The following CFAP77 variants were observed in gnomAD, a reference collection of about 807,000 sequenced individuals.
The protein encoded by CFAP77 is cilia and flagella associated protein 77, also known as cilia- and flagella-associated protein 77.
In CFAP77, 25 loss-of-function variants were observed where a neutral mutation model predicts 31.1. The observed-to-expected ratio is 0.80, with a 90% CI of 0.59 to 1.12. The LOEUF is 1.12. Ranked by LOEUF, CFAP77 falls within the 50% of genes most tolerant of loss-of-function variation. The pLI, the probability that CFAP77 is intolerant of heterozygous loss-of-function variation, is 0.00. For synonymous variants in CFAP77, 151 were observed against 159.9 expected (o/e 0.94, Z 0.42); for missense variants, 377 against 397.3 (o/e 0.95, Z 0.44).
At chr9:132,533,624 G>C (rs1391581432) in intron 3 of CFAP77, among the ~76,000 whole-genome samples, 1 of 152,230 alleles carries the variant, frequency 6.6e-6, no homozygotes, top group Non-Finnish European at 1.5e-5. Context: ...GCTCACGCTT[G>C]TAATCCCAGC....
At chr9:132,543,311 G>A (rs1589917439) in intron 5 of CFAP77, among the ~76,000 whole-genome samples, 2 of 152,250 alleles carry the variant, frequency 1.3e-5, no homozygotes, top group South Asian at 2.1e-4. Context: ...TGGATGCTGC[G>A]GAGTGGCAGA....
At chr9:132,414,018 G>A (rs1406486545) in intron 1 of CFAP77, among the ~76,000 whole-genome samples, 2 of 152,188 alleles carry the variant, frequency 1.3e-5, no homozygotes, top group South Asian at 2.1e-4. Context: ...AGACTCATCC[G>A]AGGTGCTATC....
chr9:132,507,325 T>A (rs987073777), intron 3 of CFAP77, among the ~76,000 whole-genome samples: 1 of 152,170 alleles, frequency 6.6e-6, no homozygotes, highest in African/African-American at 2.4e-5. Flanking sequence ...ATAAAGCCAG[T>A]TGCCACGTGC....
rs369040131 is a variant in CFAP77, at chr9:132,543,044, G to A, written c.729G>A (p.Gln243=). 9.9e-6 allele frequency: 16 copies of A among 1,613,664 alleles called. No individual in the cohort carries two copies. Among genetic ancestry groups the A allele is most frequent in the Non-Finnish European group, 1.4e-5 (16 of 1,179,828 alleles). The change falls in exon 5 of 6, where the codon CAG becomes CAA. Residue 243 remains glutamine (Q), a synonymous_variant. Transcript: ENST00000393216. The stretch of plus-strand genomic sequence containing the variant: ...CCCTCTGGCACATGCCTCACTTCCA[G>A]AAGGTCAGTGTCACCTTCATCCACA... ...LDTLWHMPHF[Q]KVGRHLDTFP...
At chr9:132,512,587 C>G (rs1182364267) in intron 3 of CFAP77, among the ~76,000 whole-genome samples, 2 of 152,182 alleles carry the variant, frequency 1.3e-5, no homozygotes, top group African/African-American at 4.8e-5. Flanking sequence ...CCCCTGGAGT[C>G]TTGCTACCTG....
Position 132,429,556 on chromosome 9 carries a change from A to G in CFAP77, c.195+19090A>G, listed in dbSNP as rs1300340202. Among the ~76,000 whole-genome samples, 164 of 149,180 alleles carry G rather than the reference A, an allele frequency of 1.1e-3. 1 individual carries two copies. The highest frequency in any genetic ancestry group is 9.9e-3 in the East Asian group (50 of 5,064). On this transcript the variant is annotated intron_variant, in intron 1 of 5. Transcript: ENST00000393216. ...TCAACTCAAAAAAAAAAAAAAAAAAAAAAAAAGGCCGGGCCCAGTGGCTCA... is the reference window on the plus strand; with the variant it reads ...TCAACTCAAAAAAAAAAAAAAAAAAGAAAAAAGGCCGGGCCCAGTGGCTCA...
rs371364902 is a variant in CFAP77, at chr9:132,432,830, T to C, written c.195+22364T>C. Among the ~76,000 whole-genome samples, 91 of 151,350 alleles carry C rather than the reference T, an allele frequency of 6.0e-4. 1 individual carries two copies. The East Asian group carries it at 0.017, about 28-fold the overall frequency. ...CCGGGTTCACGCCATTCTCCTGCCT[T>C]AGCCTCCCGAGTAGCTGGGACTACA... On this transcript the variant is annotated intron_variant, in intron 1 of 5. Coordinates refer to ENST00000393216, the MANE Select transcript of CFAP77 (RefSeq NM_001282957.2).
At chr9:132,502,263 A>ATT (rs1260740755) in intron 3 of CFAP77, among the ~76,000 whole-genome samples, 3,930 of 103,328 alleles carry the variant, frequency 0.038, 157 homozygotes, top group African/African-American at 0.11. Flanking sequence ...ATATATATAT[A>ATT]TATTTTTTTT....
At chr9:132,461,331 C>T (rs1851046775) in intron 1 of CFAP77, among the ~76,000 whole-genome samples, 1 of 152,240 alleles carries the variant, frequency 6.6e-6, no homozygotes. Flanking sequence ...GGTTCTGGGA[C>T]TGCTTTTGCA....
intron 1 of CFAP77, among the ~76,000 whole-genome samples, chr9:132,453,068 G>A (rs1850853858): frequency 6.6e-6 from 1 of 152,202 alleles, no homozygotes; most frequent in African/African-American, 2.4e-5. Context: ...CTTTTGCCAA[G>A]CAGCAAGTTA....
chr9:132,438,151 A>C (rs965567987), intron 1 of CFAP77, among the ~76,000 whole-genome samples: 10 of 150,280 alleles, frequency 6.7e-5, no homozygotes, highest in Non-Finnish European at 1.3e-4. Flanking sequence ...GTATTGAGCC[A>C]AGATTGCACC....
At chr9:132,555,805 C>T (rs1307870848) in intron 5 of CFAP77, among the ~76,000 whole-genome samples, 2 of 152,164 alleles carry the variant, frequency 1.3e-5, no homozygotes, top group Non-Finnish European at 2.9e-5. Context: ...CAGAAAGCAG[C>T]AAATGAGATC....
chr9:132,487,949 A>G (rs1265974772), intron 1 of CFAP77, among the ~76,000 whole-genome samples: 1 of 152,248 alleles, frequency 6.6e-6, no homozygotes, highest in Non-Finnish European at 1.5e-5. Flanking sequence ...AAGTTGTTTT[A>G]CAATAATGAA....
intron 1 of CFAP77, among the ~76,000 whole-genome samples, chr9:132,449,847 G>T (rs918197954): frequency 6.6e-6 from 1 of 152,168 alleles, no homozygotes. Flanking sequence ...AGTTGGTATT[G>T]TCAGTCTTTT....
At chr9:132,486,746 C>G (rs1403561515) in intron 1 of CFAP77, among the ~76,000 whole-genome samples, 1 of 152,246 alleles carries the variant, frequency 6.6e-6, no homozygotes, top group Non-Finnish European at 1.5e-5. Flanking sequence ...CGAGTGTAAT[C>G]AAACATCAAG....
In CFAP77 at chr9:132,564,536, G is replaced by A. The variant is rs1263437529; in HGVS notation, c.733-7852G>A. On this transcript the variant is annotated intron_variant, in intron 5 of 5. Transcript: ENST00000393216. This position sits in a 1 kb window ranked among gnomAD's most constrained non-coding sequence, Gnocchi z 4.6. ...AAATTAGATAGAAATTAGATTAAAAGAGAACTGAGCAAAAACAAATATACT... is the reference window on the plus strand; with the variant it reads ...AAATTAGATAGAAATTAGATTAAAAAAGAACTGAGCAAAAACAAATATACT... Among the ~76,000 whole-genome samples the A allele has an allele frequency of 6.6e-6, 1 of 152,132 alleles. No individual in the cohort carries two copies. Among genetic ancestry groups the A allele is most frequent in the Non-Finnish European group, 1.5e-5 (1 of 68,024 alleles).
At chr9:132,421,002 C>CTTTT (rs754764941) in intron 1 of CFAP77, among the ~76,000 whole-genome samples, 1 of 74,510 alleles carries the variant, frequency 1.3e-5, no homozygotes, top group Non-Finnish European at 2.7e-5. Flanking sequence ...TGGCTTGTGT[C>CTTTT]TTTTTTTTTT....
intron 1 of CFAP77, among the ~76,000 whole-genome samples, chr9:132,486,672 G>C (rs1005161877): frequency 2.0e-5 from 3 of 152,220 alleles, no homozygotes; most frequent in Non-Finnish European, 4.4e-5. Flanking sequence ...TTGAGTTACC[G>C]GCCCCCAGAG....
At chr9:132,412,582 G>GT (rs11372169) in intron 1 of CFAP77, among the ~76,000 whole-genome samples, 130,833 of 149,214 alleles carry the variant, frequency 0.88, 57,933 homozygotes, top group East Asian at 0.96. Flanking sequence ...CACCTCTGTT[G>GT]TTTTTTTTGG....
Sources: gnomAD v4.1 joint callset for allele counts (sites outside exome capture counted in the v4.1 genomes callset) on GRCh38, gnomAD v4.1.1 for gene constraint, Gnocchi (gnomAD v3.1) non-coding constraint, MANE v1.5 for transcripts, NCBI Gene and HGNC (gene_info 2026-07-23, HGNC 2026-07-21) for gene names.